TMEM132D: variants seen among roughly 807,000 people sequenced by gnomAD.
The protein encoded by TMEM132D is mature OL transmembrane protein.
A neutral mutation model predicts 62.3 loss-of-function variants in TMEM132D; 21 were observed. The ratio of observed to expected loss-of-function variants is 0.34; its 90% CI spans 0.24 to 0.49. TMEM132D has a LOEUF of 0.49. Among genes scored for constraint, TMEM132D ranks in the 20% least tolerant of loss-of-function variants. TMEM132D has a pLI of 0.99. For missense variants in TMEM132D, 1,346 were observed against 1,402.8 expected, an observed-to-expected ratio of 0.96 and a Z score of 0.65; for synonymous variants, 621 against 575.6, an observed-to-expected ratio of 1.08 and a Z score of -1.13.
chr12:129,512,533 A>G (rs764011514), intron 3 of TMEM132D, among the ~76,000 whole-genome samples: 11 of 152,236 alleles, frequency 7.2e-5, no homozygotes, highest in Non-Finnish European at 1.2e-4. Flanking sequence ...GTAGTGTAAC[A>G]AAACAGCATA....
At chr12:129,451,915 G>A (rs1873300211) in intron 3 of TMEM132D, among the ~76,000 whole-genome samples, 1 of 152,170 alleles carries the variant, frequency 6.6e-6, no homozygotes, top group Non-Finnish European at 1.5e-5. Context: ...TGGGAGCATT[G>A]CTACCTCTTA....
At chr12:129,208,487 G>T (rs1484037614) in intron 5 of TMEM132D, 1 of 152,368 alleles carries the variant, frequency 6.6e-6, no homozygotes, top group Admixed American at 6.5e-5. Flanking sequence ...TGTGGTCCTA[G>T]AGTCTTGAAC....
chr12:129,836,893 A>G (rs917430766), intron 1 of TMEM132D, among the ~76,000 whole-genome samples: 2 of 152,258 alleles, frequency 1.3e-5, no homozygotes, highest in Non-Finnish European at 2.9e-5. Flanking sequence ...CATTGTAGCT[A>G]TAGCCATTTA....
At chr12:129,679,167 T>C (rs1443163064) in intron 2 of TMEM132D, among the ~76,000 whole-genome samples, 2 of 152,006 alleles carry the variant, frequency 1.3e-5, no homozygotes, top group African/African-American at 4.8e-5. Flanking sequence ...TTACATTGGC[T>C]CTATGGATTA....
At chr12:129,082,133 G>A in intron 6 of TMEM132D, 101 bp from the exon 7 acceptor site, 4 of 1,420,258 alleles carry the variant, frequency 2.8e-6, no homozygotes. Context: ...GGTAGGCCAT[G>A]AGACTTCAAG....
intron 2 of TMEM132D, among the ~76,000 whole-genome samples, chr12:129,666,079 G>A (rs1348581682): frequency 1.3e-5 from 2 of 152,188 alleles, no homozygotes; most frequent in African/African-American, 2.4e-5. Context: ...GCACTGCGCT[G>A]TCTTCTCCCA....
intron 3 of TMEM132D, among the ~76,000 whole-genome samples, chr12:129,422,812 C>T (rs184830453): frequency 3.3e-5 from 5 of 151,230 alleles, no homozygotes; most frequent in Admixed American, 2.0e-4. Flanking sequence ...TAAAATGATT[C>T]TGTTTATTAT....
At chr12:129,235,972 T>C (rs1300382279) in intron 4 of TMEM132D, among the ~76,000 whole-genome samples, 1 of 152,026 alleles carries the variant, frequency 6.6e-6, no homozygotes, top group Non-Finnish European at 1.5e-5. Flanking sequence ...ATTCTTTCAA[T>C]CCATGAACGT....
chr12:129,563,764 A>G (rs1877299848), intron 2 of TMEM132D, among the ~76,000 whole-genome samples: 1 of 152,106 alleles, frequency 6.6e-6, no homozygotes, highest in African/African-American at 2.4e-5. Context: ...ACAGACAGAC[A>G]TTCAACCCAC....
At chr12:129,526,446 A>G (rs1000122979) in intron 3 of TMEM132D, among the ~76,000 whole-genome samples, 1 of 151,942 alleles carries the variant, frequency 6.6e-6, no homozygotes, top group Non-Finnish European at 1.5e-5. Context: ...CACCATGCCC[A>G]GCTAATTTTT....
chr12:129,553,029 C>G (rs1024524270), intron 2 of TMEM132D, among the ~76,000 whole-genome samples: 1 of 152,186 alleles, frequency 6.6e-6, no homozygotes, highest in Non-Finnish European at 1.5e-5. Flanking sequence ...GTCACGCCAC[C>G]ATCCGAGCCC....
intron 4 of TMEM132D, among the ~76,000 whole-genome samples, chr12:129,264,346 GC>G (rs1880630781): frequency 6.6e-6 from 1 of 152,090 alleles, no homozygotes; most frequent in Admixed American, 6.5e-5. Context: ...CAGAGATTGT[GC>G]CACTGCACTC....
chr12:129,786,683 G>C (rs1412320329), intron 1 of TMEM132D, among the ~76,000 whole-genome samples: 4 of 152,206 alleles, frequency 2.6e-5, no homozygotes. Flanking sequence ...CTGAGGTCGG[G>C]AGTTCGAGAT....
intron 3 of TMEM132D, among the ~76,000 whole-genome samples, chr12:129,380,075 A>G (rs1461797267): frequency 6.6e-6 from 1 of 152,212 alleles, no homozygotes; most frequent in Non-Finnish European, 1.5e-5. Flanking sequence ...TCATAGTTGA[A>G]ATGACATAAC....
At chr12:129,796,991 G>A (rs1421873560) in intron 1 of TMEM132D, among the ~76,000 whole-genome samples, 1 of 152,132 alleles carries the variant, frequency 6.6e-6, no homozygotes, top group East Asian at 1.9e-4. Context: ...ATATTAGCTA[G>A]GCATCTTTTA....
At chr12:129,593,843 TTA>T (rs1555220741) in intron 2 of TMEM132D, among the ~76,000 whole-genome samples, 1 of 151,932 alleles carries the variant, frequency 6.6e-6, no homozygotes, top group African/African-American at 2.4e-5. Flanking sequence ...TGTATTTTTT[TTA>T]AAATGTCAAA....
At chr12:129,530,058 A>G (rs979706960) in intron 3 of TMEM132D, among the ~76,000 whole-genome samples, 1 of 152,192 alleles carries the variant, frequency 6.6e-6, no homozygotes, top group African/African-American at 2.4e-5. Flanking sequence ...CCCAAACGAG[A>G]GCTGCTGATA....
At chr12:129,616,073 G>A (rs567531270) in intron 2 of TMEM132D, among the ~76,000 whole-genome samples, 1 of 152,156 alleles carries the variant, frequency 6.6e-6, no homozygotes, top group Non-Finnish European at 1.5e-5. Context: ...AAAACAAGAG[G>A]CTGAGGCTGG....
intron 5 of TMEM132D, among the ~76,000 whole-genome samples, chr12:129,151,663 T>G (rs1275778622): frequency 6.6e-6 from 1 of 152,188 alleles, no homozygotes; most frequent in Non-Finnish European, 1.5e-5. Flanking sequence ...CCTCCTCAGC[T>G]TCTTCAGACT....
Sources: allele counts gnomAD v4.1 joint callset (sites outside exome capture counted in the v4.1 genomes callset), GRCh38; gene constraint gnomAD v4.1.1; transcripts MANE v1.5; gene names NCBI Gene and HGNC (gene_info 2026-07-23, HGNC 2026-07-21).